The following CNTN5 variants were observed in gnomAD, a reference collection of about 807,000 sequenced individuals.
CNTN5 encodes the protein contactin-5.
A neutral mutation model predicts 129.1 loss-of-function variants in CNTN5; 77 were observed. That is an observed-to-expected ratio of 0.60 (90% CI 0.50 to 0.72). The LOEUF is 0.72. CNTN5 is among the 30% of genes least tolerant of loss of function. The pLI is 0.00. For missense variants in CNTN5, 1,478 were observed against 1,328.8 expected (o/e 1.11, Z -1.75); for synonymous variants, 509 against 465.6 (o/e 1.09, Z -1.20).
intron 2 of CNTN5, among the ~76,000 whole-genome samples, chr11:99,447,392 A>G (rs569416428): frequency 6.6e-6 from 1 of 152,320 alleles, no homozygotes; most frequent in African/African-American, 2.4e-5. Flanking sequence ...AAAAAACAGT[A>G]TCTTAACTAT....
chr11:99,079,786 G>A (rs1350314067), intron 1 of CNTN5, among the ~76,000 whole-genome samples: 4 of 152,042 alleles, frequency 2.6e-5, no homozygotes, highest in Non-Finnish European at 5.9e-5. Flanking sequence ...TTAATCACCC[G>A]TCAACCTGGT....
chr11:100,227,584 C>T (rs1042211482), intron 16 of CNTN5, among the ~76,000 whole-genome samples: 1 of 152,166 alleles, frequency 6.6e-6, no homozygotes, highest in African/African-American at 2.4e-5. Flanking sequence ...TTACCTGAAG[C>T]ATAAAGTCAC....
chr11:99,969,839 A>C (rs1287421708), intron 8 of CNTN5, among the ~76,000 whole-genome samples: 1 of 152,146 alleles, frequency 6.6e-6, no homozygotes. Context: ...TGTTCCATGA[A>C]GAATTTAAGG....
At chr11:100,099,552 A>G (rs1049010910) in intron 13 of CNTN5, among the ~76,000 whole-genome samples, 2 of 151,616 alleles carry the variant, frequency 1.3e-5, no homozygotes, top group Non-Finnish European at 2.9e-5. Context: ...TCACAAGGGG[A>G]TAACTACACA....
At chr11:99,785,738 A>G (rs1010981958) in intron 3 of CNTN5, among the ~76,000 whole-genome samples, 1 of 152,156 alleles carries the variant, frequency 6.6e-6, no homozygotes, top group African/African-American at 2.4e-5. Context: ...ACATAAACAG[A>G]ACCAATGACA....
intron 13 of CNTN5, among the ~76,000 whole-genome samples, chr11:100,110,457 T>A (rs1006447299): frequency 3.3e-5 from 5 of 152,108 alleles, no homozygotes; most frequent in African/African-American, 1.2e-4. Flanking sequence ...GTTAAGCAAT[T>A]TTCTGAATTT....
At chr11:99,174,002 T>TTGTGTG (rs10696025) in intron 1 of CNTN5, among the ~76,000 whole-genome samples, 1 of 150,776 alleles carries the variant, frequency 6.6e-6, no homozygotes, top group Non-Finnish European at 1.5e-5. Flanking sequence ...AAAATGCCTT[T>TTGTGTG]TGTGTGTGTG....
rs537348555 is a variant in CNTN5 at position 99,690,122 on chromosome 11, G to C, written c.56-129422G>C. 2.0e-5 allele frequency among the ~76,000 whole-genome samples: 3 copies of C among 152,086 alleles called. No individual in the cohort carries two copies. In the South Asian group the frequency reaches 6.2e-4, roughly 32 times the overall value. On this transcript the variant is annotated intron_variant, in intron 3 of 24. Transcript: ENST00000524871. ...ATTTTTGTATATGGTGTAAGGAAGG[G>C]GTCCAATTTCAATTTTCTGCATATG...
intron 13 of CNTN5, among the ~76,000 whole-genome samples, chr11:100,151,399 G>A (rs1947048502): frequency 6.6e-6 from 1 of 151,988 alleles, no homozygotes; most frequent in East Asian, 1.9e-4. Flanking sequence ...ATGCGTGAAG[G>A]GGTAGGGGGA....
intron 7 of CNTN5, among the ~76,000 whole-genome samples, chr11:99,929,489 G>A (rs914687032): frequency 6.6e-6 from 1 of 152,108 alleles, no homozygotes; most frequent in Non-Finnish European, 1.5e-5. Flanking sequence ...AATTGATAAA[G>A]GAAAAACGTT....
intron 13 of CNTN5, among the ~76,000 whole-genome samples, chr11:100,131,270 G>A (rs1427595258): frequency 6.6e-6 from 1 of 152,028 alleles, no homozygotes. Flanking sequence ...GTGAGCTAGT[G>A]ATGAAGAGCA....
chr11:99,103,934 G>A (rs1317241004), intron 1 of CNTN5, among the ~76,000 whole-genome samples: 1 of 152,126 alleles, frequency 6.6e-6, no homozygotes, highest in Non-Finnish European at 1.5e-5. Context: ...AAACACTGTG[G>A]CTTGGCTGAA....
chr11:99,687,498 T>C (rs554192006), intron 3 of CNTN5, among the ~76,000 whole-genome samples: 16 of 152,216 alleles, frequency 1.1e-4, no homozygotes, highest in Admixed American at 4.6e-4. Flanking sequence ...CCAGTTCTTA[T>C]CTTACAGTGC....
intron 1 of CNTN5, among the ~76,000 whole-genome samples, chr11:99,070,575 A>G (rs865988862): frequency 6.6e-6 from 1 of 152,108 alleles, no homozygotes; most frequent in Non-Finnish European, 1.5e-5. Flanking sequence ...ATATACTTTT[A>G]CAATAAATGA....
chr11:99,848,777 C>G (rs12789951), intron 6 of CNTN5, among the ~76,000 whole-genome samples: 1 of 151,866 alleles, frequency 6.6e-6, no homozygotes, highest in Non-Finnish European at 1.5e-5. Flanking sequence ...TTATGCTGGG[C>G]TAGTGCTATC....
intron 2 of CNTN5, among the ~76,000 whole-genome samples, chr11:99,415,110 C>T (rs748482823): frequency 5.3e-5 from 8 of 151,942 alleles, no homozygotes; most frequent in Non-Finnish European, 7.4e-5. Flanking sequence ...CTTTTCTTAC[C>T]CATCATCCAT....
chr11:99,598,274 CTT>C (rs1950186866), intron 3 of CNTN5, among the ~76,000 whole-genome samples: 2 of 4,978 alleles, frequency 4.0e-4, no homozygotes, highest in African/African-American at 9.1e-4. Flanking sequence ...CTTTTCTTTT[CTT>C]TTCTTTTCTT....
chr11:99,842,946 C>G (rs1303605197), intron 4 of CNTN5, among the ~76,000 whole-genome samples: 1 of 152,062 alleles, frequency 6.6e-6, no homozygotes, highest in Non-Finnish European at 1.5e-5. Flanking sequence ...AAAAGTGCAG[C>G]TAGGCCAGTC....
intron 2 of CNTN5, among the ~76,000 whole-genome samples, chr11:99,350,504 C>A (rs550264164): frequency 6.6e-6 from 1 of 151,978 alleles, no homozygotes; most frequent in Non-Finnish European, 1.5e-5. Flanking sequence ...AATATGTGTA[C>A]GAGAATAACC....
Sources: allele counts gnomAD v4.1 joint callset (sites outside exome capture counted in the v4.1 genomes callset), GRCh38; gene constraint gnomAD v4.1.1; transcripts MANE v1.5; gene names NCBI Gene and HGNC (gene_info 2026-07-23, HGNC 2026-07-21).